The following ZBTB37 variants were observed in gnomAD, a reference collection of about 807,000 sequenced individuals.
The protein encoded by ZBTB37 is zinc finger and BTB domain containing 37, also known as zinc finger and BTB domain-containing protein 37.
ZBTB37 carries 15 observed loss-of-function variants against 37.7 expected under a neutral mutation model. The ratio of observed to expected loss-of-function variants is 0.40; its 90% CI spans 0.27 to 0.61. The LOEUF (loss-of-function observed/expected upper bound fraction) is 0.61. Among genes scored for constraint, ZBTB37 ranks in the 20% least tolerant of loss-of-function variants. The probability of loss-of-function intolerance (pLI) is 0.44; values close to 1 mark genes in which losing one functional copy is unlikely to be tolerated. For synonymous variants in ZBTB37, 231 were observed against 220.6 expected, an observed-to-expected ratio of 1.05 and a Z score of -0.42; for missense variants, 514 against 641.9, an observed-to-expected ratio of 0.80 and a Z score of 2.15.
At chr1:173,900,418 A>G (rs1657211010) in exon 4 of ZBTB37, 1 of 152,092 alleles carries the variant, frequency 6.6e-6, no homozygotes. Context: ...GCCCATGGCA[A>G]CCTCAACACA....
chr1:173,881,050 A>G lies in ZBTB37; in HGVS notation c.1024-4586A>G, dbSNP rs146005383. On this transcript the variant is annotated intron_variant, in intron 4 of 4. Coordinates refer to ENST00000427304, the Ensembl canonical transcript of ZBTB37. The stretch of plus-strand genomic sequence containing the variant: ...TACATGTGCCATGTTGGTGTGCTGC[A>G]CCCGTTAACTTGTCATTTACATTAG... Among the ~76,000 whole-genome samples, 293 of 151,436 alleles carry G rather than the reference A, an allele frequency of 1.9e-3. 1 individual carries two copies. The highest frequency in any genetic ancestry group is 6.4e-3 in the African/African-American group (263 of 41,212).
chr1:173,886,412 A>C (rs1217920892), exon 5 of ZBTB37: 2 of 389,774 alleles, frequency 5.1e-6, no homozygotes, highest in Non-Finnish European at 4.7e-6. Context: ...GTTTTTTAAC[A>C]AAACGATGAT....
chr1:173,881,905 T>A (rs1656332129), intron 4 of ZBTB37, among the ~76,000 whole-genome samples: 1 of 152,000 alleles, frequency 6.6e-6, no homozygotes, highest in South Asian at 2.1e-4. Context: ...ACACAAAATA[T>A]TAGCCGGGTG....
At chr1:173,875,400 G>A (rs1359770999) in intron 4 of ZBTB37, among the ~76,000 whole-genome samples, 6 of 147,814 alleles carry the variant, frequency 4.1e-5, no homozygotes, top group African/African-American at 1.3e-4. Flanking sequence ...ATCTCGGCTC[G>A]CTGCAATCTC....
chr1:173,872,490 T>G (rs763371715), intron 3 of ZBTB37, among the ~76,000 whole-genome samples: 27 of 152,176 alleles, frequency 1.8e-4, no homozygotes, highest in Non-Finnish European at 3.5e-4. Context: ...CTCCTGCCAC[T>G]GTGCCTGGCT....
chr1:173,875,643 A>G (rs1396450835), intron 4 of ZBTB37, among the ~76,000 whole-genome samples: 2 of 151,528 alleles, frequency 1.3e-5, no homozygotes, highest in African/African-American at 4.9e-5. Flanking sequence ...ATATATTTGT[A>G]AACAAATTGC....
chr1:173,886,230 C>T (rs888577691), exon 5 of ZBTB37: 2 of 1,444,556 alleles, frequency 1.4e-6, no homozygotes, highest in African/African-American at 2.9e-5. Flanking sequence ...CATCACTAGG[C>T]CAGAAGATGC....
chr1:173,875,157 T>C (rs9661464), intron 4 of ZBTB37, among the ~76,000 whole-genome samples: 24,150 of 139,842 alleles, frequency 0.17, 2,553 homozygotes, highest in East Asian at 0.33. Context: ...TGTGTGTGTG[T>C]GTGCACGTGT....
At position 173,873,368 on chromosome 1, in the gene ZBTB37, C is replaced by T. The variant is rs191611377; in HGVS notation, c.924-99C>T. On this transcript the variant is annotated intron_variant, in intron 3 of 4. Coordinates refer to ENST00000427304, the Ensembl canonical transcript of ZBTB37. The stretch of plus-strand genomic sequence containing the variant: ...GTTATTTGTTGCTTGGTTTGTTCCC[C>T]CTTCCTCAGCCATAGAATAAAGAGG... 326 of 1,275,196 alleles carry T rather than the reference C, an allele frequency of 2.6e-4. 3 individuals carry two copies. The East Asian group carries it at 6.8e-3, about 27-fold the overall frequency. 79.0% of individuals were successfully genotyped at this position (1,275,196 alleles called of 1,614,324 possible). A position where few individuals can be genotyped will look rare whatever the true frequency, so the allele number is the denominator to read the frequency against.
intron 4 of ZBTB37, among the ~76,000 whole-genome samples, chr1:173,882,320 C>T (rs904172491): frequency 7.0e-6 from 1 of 143,600 alleles, no homozygotes; most frequent in Non-Finnish European, 1.5e-5. Flanking sequence ...CTGCTCACTG[C>T]AAGCTCTGCC....
In ZBTB37 at chr1:173,879,298, A is replaced by T. The variant is rs371076471; in HGVS notation, c.1023+5732A>T. On this transcript the variant is annotated intron_variant, in intron 4 of 4. Transcript: ENST00000427304. Reference sequence around the variant, plus strand: ...TGACTCAGGAGATTGGAAACAAGGGATGGGGGTTTCCTAGCTTCTTCAGGA... The same window carrying T: ...TGACTCAGGAGATTGGAAACAAGGGTTGGGGGTTTCCTAGCTTCTTCAGGA... Among the ~76,000 whole-genome samples the T allele has an allele frequency of 7.2e-5, 11 of 152,192 alleles. No individual in the cohort carries two copies. In the East Asian group the frequency reaches 1.7e-3, roughly 24 times the overall value.
At chr1:173,888,501 C>T (rs924717050), downstream of ZBTB37, 2 of 152,072 alleles carry the variant, frequency 1.3e-5, no homozygotes, top group African/African-American at 2.4e-5. Context: ...AATCATAGCT[C>T]ACTGTAATCT....
At chr1:173,886,402 G>GT (rs561379066) in exon 5 of ZBTB37, 1 of 416,856 alleles carries the variant, frequency 2.4e-6, no homozygotes. Context: ...AAGAAAAAAG[G>GT]TTTTTTAACA....
intron 4 of ZBTB37, among the ~76,000 whole-genome samples, chr1:173,876,437 C>G (rs973886126): frequency 1.8e-4 from 28 of 152,154 alleles, no homozygotes; most frequent in Admixed American, 9.8e-4. Context: ...CCTGTCTCAG[C>G]TTCCCGAGTA....
exon 4 of ZBTB37, chr1:173,899,694 A>G (rs890222897): frequency 6.6e-6 from 1 of 152,208 alleles, no homozygotes; most frequent in African/African-American, 2.4e-5. Context: ...ATGTGCAGCC[A>G]AGGTTGAGAA....
chr1:173,899,263 T>A (rs761302118), exon 4 of ZBTB37: 20 of 152,178 alleles, frequency 1.3e-4, no homozygotes, highest in Non-Finnish European at 2.5e-4. Flanking sequence ...GACCCAGGAA[T>A]TAATTCCTGC....
intron 4 of ZBTB37, among the ~76,000 whole-genome samples, chr1:173,878,928 A>G (rs1289104017): frequency 2.0e-5 from 3 of 152,022 alleles, no homozygotes; most frequent in Admixed American, 1.3e-4. Context: ...TTCTCTAATA[A>G]AAATACAAAA....
exon 4 of ZBTB37, chr1:173,892,564 G>A (rs571820327): frequency 6.6e-6 from 1 of 151,760 alleles, no homozygotes; most frequent in South Asian, 2.1e-4. Flanking sequence ...TATTGGTGCA[G>A]ATTATTCAGT....
chr1:173,874,187 G>A (rs1055090538), intron 4 of ZBTB37, among the ~76,000 whole-genome samples: 3 of 147,550 alleles, frequency 2.0e-5, no homozygotes, highest in Non-Finnish European at 3.0e-5. Context: ...CCCGGGAGGC[G>A]GAGGTTGCTG....
Sources: allele counts gnomAD v4.1 joint callset (sites outside exome capture counted in the v4.1 genomes callset), GRCh38; gene constraint gnomAD v4.1.1; transcripts MANE v1.5; gene names NCBI Gene and HGNC (gene_info 2026-07-23, HGNC 2026-07-21).